Variants in LPGAT1 observed in about 807,000 individuals in gnomAD.
LPGAT1 encodes the protein lysophosphatidylglycerol acyltransferase 1.
A neutral mutation model predicts 47.5 loss-of-function variants in LPGAT1; 11 were observed. The ratio of observed to expected loss-of-function variants is 0.23; its 90% confidence interval spans 0.15 to 0.38. The LOEUF is 0.38. Ranked by LOEUF, LPGAT1 falls within the 10% of genes least tolerant of loss-of-function variation. The pLI is 1.00. For synonymous variants in LPGAT1, 138 were observed against 144.2 expected (o/e 0.96, Z 0.31); for missense variants, 293 against 439.0 (o/e 0.67, Z 2.97).
intron 3 of LPGAT1, among the ~76,000 whole-genome samples, 169 bp downstream of exon 3, chr1:211,792,903 G>A (rs1211461117): frequency 2.0e-5 from 3 of 151,722 alleles, no homozygotes; most frequent in Non-Finnish European, 2.9e-5. Context: ...GTAGAGATGG[G>A]GTTTCACCCT....
intron 6 of LPGAT1, among the ~76,000 whole-genome samples, chr1:211,753,455 T>A (rs1657293951): frequency 6.6e-6 from 1 of 152,112 alleles, no homozygotes; most frequent in Non-Finnish European, 1.5e-5. Context: ...CTTTATTGTA[T>A]TTTATTTTTT....
At chr1:211,803,225 A>C (rs201350450) in intron 2 of LPGAT1, 2 of 152,252 alleles carry the variant, frequency 1.3e-5, no homozygotes, top group East Asian at 3.8e-4. Flanking sequence ...CATTTTGAAA[A>C]ATTAACCTCT....
chr1:211,751,686 C>G (rs772275339), intron 6 of LPGAT1, among the ~76,000 whole-genome samples: 17 of 152,140 alleles, frequency 1.1e-4, no homozygotes, highest in Non-Finnish European at 2.1e-4. Flanking sequence ...AGGGGACAGG[C>G]AGCATGAGGA....
chr1:211,800,674 C>T (rs1039519845), intron 2 of LPGAT1, among the ~76,000 whole-genome samples: 1 of 152,166 alleles, frequency 6.6e-6, no homozygotes. Context: ...GGCCAATAGT[C>T]TGTTACAATC....
chr1:211,816,732 A>G (rs1194042632), intron 2 of LPGAT1, among the ~76,000 whole-genome samples: 1 of 152,202 alleles, frequency 6.6e-6, no homozygotes, highest in African/African-American at 2.4e-5. Context: ...GCTTCACTTT[A>G]CATTCAAGTT....
In LPGAT1 at chr1:211,745,700, T is replaced by C. The variant is rs752593438; in HGVS notation, c.*4199A>G. On this transcript the variant is annotated 3_prime_UTR_variant, in exon 8 of 8. Transcript: ENST00000366997. The stretch of plus-strand genomic sequence containing the variant: ...GGGTCCAGTTCCTAATTGTTGGGGA[T>C]TGGCGCAAAATGATTACAATAAAGC... The C allele has an allele frequency of 6.6e-6, 1 of 152,598 alleles. No individual in the cohort carries two copies. Among genetic ancestry groups the C allele is most frequent in the African/African-American group, 2.4e-5 (1 of 41,418 alleles). The allele number at this position is 152,598 out of a possible 1,614,324, so 9.5% of individuals were successfully genotyped here.
chr1:211,750,519 T>C (rs1454767354), intron 7 of LPGAT1, among the ~76,000 whole-genome samples: 2 of 152,246 alleles, frequency 1.3e-5, no homozygotes. Context: ...CCCAGGATTA[T>C]GTGAGATTGA....
chr1:211,825,574 T>C (rs1047045705), intron 2 of LPGAT1, among the ~76,000 whole-genome samples: 19 of 152,174 alleles, frequency 1.2e-4, no homozygotes, highest in Non-Finnish European at 2.6e-4. Flanking sequence ...TAAGCTAGTA[T>C]CTCTTTTGGT....
At chr1:211,807,492 C>T (rs1473859576) in intron 2 of LPGAT1, among the ~76,000 whole-genome samples, 1 of 151,900 alleles carries the variant, frequency 6.6e-6, no homozygotes, top group Non-Finnish European at 1.5e-5. Flanking sequence ...AATCGCACTA[C>T]CCAGTTTTAA....
intron 4 of LPGAT1, among the ~76,000 whole-genome samples, chr1:211,785,047 C>T (rs565001790): frequency 1.2e-4 from 19 of 152,196 alleles, no homozygotes; most frequent in African/African-American, 4.1e-4. Context: ...TTGTGATCTG[C>T]CCCCCTTGGC....
At chr1:211,760,060 G>A (rs1029552582) in intron 6 of LPGAT1, among the ~76,000 whole-genome samples, 1 of 152,204 alleles carries the variant, frequency 6.6e-6, no homozygotes, top group Non-Finnish European at 1.5e-5. Flanking sequence ...AAGTCAGAAG[G>A]TTCTCACTTA....
intron 2 of LPGAT1, among the ~76,000 whole-genome samples, chr1:211,827,857 TTGCATTATTA>T (rs1465441275): frequency 6.6e-6 from 1 of 152,228 alleles, no homozygotes; most frequent in Non-Finnish European, 1.5e-5. Flanking sequence ...GCTTCAGCTC[TTGCATTATTA>T]TGCCACTGCC....
At chr1:211,756,901 A>G (rs531510807) in intron 6 of LPGAT1, among the ~76,000 whole-genome samples, 143 of 127,980 alleles carry the variant, frequency 1.1e-3, no homozygotes, top group African/African-American at 4.0e-3. Flanking sequence ...ACACATGGAG[A>G]GTCTTTGCTT....
chr1:211,819,708 C>T (rs893291017), intron 2 of LPGAT1, among the ~76,000 whole-genome samples: 3 of 151,876 alleles, frequency 2.0e-5, no homozygotes, highest in African/African-American at 4.8e-5. Context: ...AGAGTTGCCG[C>T]GCACGGTGGC....
chr1:211,798,340 T>C (rs1659431721), intron 2 of LPGAT1, among the ~76,000 whole-genome samples: 1 of 152,092 alleles, frequency 6.6e-6, no homozygotes. Context: ...CACTAGTAAC[T>C]AAAAGAGCCC....
At chr1:211,786,562 A>G (rs1658886102) in intron 4 of LPGAT1, among the ~76,000 whole-genome samples, 1 of 152,234 alleles carries the variant, frequency 6.6e-6, no homozygotes, top group African/African-American at 2.4e-5. Flanking sequence ...ATAAGAGGCT[A>G]TCATTCTTCT....
intron 2 of LPGAT1, among the ~76,000 whole-genome samples, chr1:211,795,782 C>T (rs548048572): frequency 6.6e-6 from 1 of 152,310 alleles, no homozygotes; most frequent in Admixed American, 6.5e-5. Flanking sequence ...CAAACACACA[C>T]ACACATGCAC....
intron 6 of LPGAT1, among the ~76,000 whole-genome samples, chr1:211,764,694 T>C (rs1657834592): frequency 6.6e-6 from 1 of 152,230 alleles, no homozygotes; most frequent in South Asian, 2.1e-4. Context: ...CACTCAGTTA[T>C]CTGAAAATAA....
chr1:211,775,607 CT>C (rs1228144971), intron 6 of LPGAT1, among the ~76,000 whole-genome samples: 1 of 152,098 alleles, frequency 6.6e-6, no homozygotes, highest in African/African-American at 2.4e-5. Context: ...TTCTCTTAAT[CT>C]GTACTTTCAA....
Sources: allele counts gnomAD v4.1 joint callset (sites outside exome capture counted in the v4.1 genomes callset), GRCh38; gene constraint gnomAD v4.1.1; transcripts MANE v1.5; gene names NCBI Gene and HGNC (gene_info 2026-07-23, HGNC 2026-07-21).